The following LRMDA variants were observed in gnomAD, a reference collection of about 807,000 sequenced individuals.
The protein encoded by LRMDA is leucine-rich melanocyte differentiation-associated protein.
In LRMDA, 18 loss-of-function variants were observed where a neutral mutation model predicts 29.8. That is an observed-to-expected ratio of 0.60 (90% CI 0.42 to 0.90). LRMDA has a LOEUF of 0.90. Ranked by LOEUF, LRMDA falls within the 40% of genes least tolerant of loss-of-function variation. The probability of loss-of-function intolerance (pLI) is 0.00; values close to 1 mark genes in which losing one functional copy is unlikely to be tolerated. For missense variants in LRMDA, 273 were observed against 273.9 expected, an observed-to-expected ratio of 1.00 and a Z score of 0.02; for synonymous variants, 125 against 109.4, an observed-to-expected ratio of 1.14 and a Z score of -0.89.
chr10:75,824,869 T>G (rs1844222637), intron 2 of LRMDA, among the ~76,000 whole-genome samples: 1 of 152,186 alleles, frequency 6.6e-6, no homozygotes, highest in Admixed American at 6.5e-5. Context: ...GAGTAAGGGC[T>G]GAAAGGTAGG....
Position 75,758,082 on chromosome 10 carries a change from G to A in LRMDA, c.132-277926G>A, listed in dbSNP as rs142157550. Reference sequence around the variant, plus strand: ...CCCAAAGTGCTGGGATTACAGGCATGAGCCACCACGCCCAGCCAGCAGGGA... The same window carrying A: ...CCCAAAGTGCTGGGATTACAGGCATAAGCCACCACGCCCAGCCAGCAGGGA... On this transcript the variant is annotated intron_variant, in intron 2 of 6. Coordinates refer to ENST00000611255, the MANE Select transcript of LRMDA (RefSeq NM_001305581.2). Among the ~76,000 whole-genome samples the A allele has an allele frequency of 9.8e-3, 1,489 of 152,318 alleles. 31 individuals are homozygous for A. Among genetic ancestry groups the A allele is most frequent in the African/African-American group, 0.034 (1,418 of 41,578 alleles).
At chr10:75,778,158 A>G (rs1843336746) in intron 2 of LRMDA, among the ~76,000 whole-genome samples, 1 of 151,886 alleles carries the variant, frequency 6.6e-6, no homozygotes, top group African/African-American at 2.4e-5. Flanking sequence ...GCTCACTGCA[A>G]CCTCTGCCTC....
intron 5 of LRMDA, among the ~76,000 whole-genome samples, chr10:76,224,071 C>T (rs1281704819): frequency 6.6e-6 from 1 of 151,972 alleles, no homozygotes; most frequent in East Asian, 1.9e-4. Context: ...TCAGTAGGGC[C>T]CCTCAGCATC....
At chr10:75,533,255 A>G (rs1035233529) in intron 2 of LRMDA, among the ~76,000 whole-genome samples, 4 of 152,228 alleles carry the variant, frequency 2.6e-5, no homozygotes, top group Non-Finnish European at 5.9e-5. Context: ...AGATATTAGT[A>G]TATTTAGATA....
At position 76,559,817 on chromosome 10, in the gene LRMDA, C is replaced by T. The variant is rs1843602099; in HGVS notation, c.*2529C>T. On this transcript the variant is annotated 3_prime_UTR_variant, in exon 7 of 7. Coordinates refer to ENST00000611255, the MANE Select transcript of LRMDA (RefSeq NM_001305581.2). ...GTGCCTGACATCACTGTCTTTCCTCCCCTAGGACACTGACTTGAGTGGAGA... is the reference window on the plus strand; with the variant it reads ...GTGCCTGACATCACTGTCTTTCCTCTCCTAGGACACTGACTTGAGTGGAGA... 1 of 152,204 alleles carries T rather than the reference C, an allele frequency of 6.6e-6. No individual in the cohort carries two copies. The highest frequency in any genetic ancestry group is 1.5e-5 in the Non-Finnish European group (1 of 68,042). 9.4% of individuals were successfully genotyped at this position (152,204 alleles called of 1,614,324 possible). A position where few individuals can be genotyped will look rare whatever the true frequency, so the allele number is the denominator to read the frequency against.
intron 2 of LRMDA, among the ~76,000 whole-genome samples, chr10:75,936,606 C>A (rs888455570): frequency 6.6e-6 from 1 of 152,148 alleles, no homozygotes; most frequent in African/African-American, 2.4e-5. Context: ...ATACTTATTT[C>A]TCAGCGTTCT....
chr10:76,191,470 C>T (rs763969423), intron 5 of LRMDA, among the ~76,000 whole-genome samples: 1 of 152,148 alleles, frequency 6.6e-6, no homozygotes, highest in African/African-American at 2.4e-5. Flanking sequence ...ACACCTCAGC[C>T]CCTGATAAGA....
chr10:76,365,686 T>C (rs1237717040), intron 6 of LRMDA, among the ~76,000 whole-genome samples: 1 of 152,272 alleles, frequency 6.6e-6, no homozygotes, highest in Non-Finnish European at 1.5e-5. Flanking sequence ...TTTCTCCCGC[T>C]CTGCGGGTTG....
At position 76,079,276 on chromosome 10, in the gene LRMDA, C is replaced by A. The variant is rs528338498; in HGVS notation, c.516+20493C>A. Among the ~76,000 whole-genome samples, 50 of 152,322 alleles carry A rather than the reference C, an allele frequency of 3.3e-4. 1 individual carries two copies. The highest frequency in any genetic ancestry group is 1.2e-3 in the African/African-American group (48 of 41,576). ...CTGTTAGAATGGAATGAACAGAATT[C>A]TTCAAAGGGCTTTTTAGATTGCCGT... On this transcript the variant is annotated intron_variant, in intron 5 of 6. Transcript: ENST00000611255.
intron 5 of LRMDA, among the ~76,000 whole-genome samples, chr10:76,120,311 C>A (rs969640536): frequency 1.3e-5 from 2 of 151,812 alleles, no homozygotes; most frequent in African/African-American, 4.8e-5. Context: ...ACCTCAGCCT[C>A]CTGAGTAGCT....
chr10:76,518,244 C>G (rs191572461), intron 6 of LRMDA, among the ~76,000 whole-genome samples: 2 of 151,548 alleles, frequency 1.3e-5, no homozygotes, highest in Admixed American at 6.6e-5. Flanking sequence ...GTCTATCTAC[C>G]TACCTACCTA....
At chr10:76,436,955 C>T (rs1020579858) in intron 6 of LRMDA, among the ~76,000 whole-genome samples, 1 of 152,120 alleles carries the variant, frequency 6.6e-6, no homozygotes, top group Non-Finnish European at 1.5e-5. Flanking sequence ...AGTCCCTTCC[C>T]ACTCCTCAAA....
At chr10:76,323,392 C>T (rs973358002) in intron 5 of LRMDA, among the ~76,000 whole-genome samples, 2 of 152,000 alleles carry the variant, frequency 1.3e-5, no homozygotes, top group Admixed American at 6.6e-5. Context: ...ATGTATTTCC[C>T]GCTCCGGAAA....
At chr10:75,519,538 TC>T (rs1420844958) in intron 2 of LRMDA, among the ~76,000 whole-genome samples, 2 of 152,346 alleles carry the variant, frequency 1.3e-5, no homozygotes, top group East Asian at 3.9e-4. Flanking sequence ...GCTTGGTAGA[TC>T]TTCCTCCATC....
At chr10:75,843,145 G>GA (rs900784584) in intron 2 of LRMDA, among the ~76,000 whole-genome samples, 3 of 152,050 alleles carry the variant, frequency 2.0e-5, no homozygotes, top group Non-Finnish European at 4.4e-5. Context: ...CAATGCCTGG[G>GA]AAAAAAATAG....
chr10:76,040,101 G>C (rs1439817138), intron 3 of LRMDA, among the ~76,000 whole-genome samples: 1 of 152,132 alleles, frequency 6.6e-6, no homozygotes. Context: ...GTCAGTAGTG[G>C]GGCTTAGTCT....
chr10:76,203,956 T>G (rs1281683540), intron 5 of LRMDA, among the ~76,000 whole-genome samples: 2 of 141,794 alleles, frequency 1.4e-5, no homozygotes, highest in Non-Finnish European at 3.0e-5. Context: ...TCTACCCATC[T>G]CTATTCCATG....
At position 76,557,307 on chromosome 10, in the gene LRMDA, T is replaced by G. The variant is rs765608620; in HGVS notation, c.*19T>G. 8 of 1,561,244 alleles carry G rather than the reference T, an allele frequency of 5.1e-6. No homozygotes were observed. Among genetic ancestry groups the G allele is most frequent in the Non-Finnish European group, 7.0e-6 (8 of 1,134,788 alleles). On this transcript the variant is annotated 3_prime_UTR_variant, in exon 7 of 7. Transcript: ENST00000611255. ...GCTCTGAAGCCAACTTCTGTATACCTTCACCCATTTCATGAAAATAAAATC... is the reference window on the plus strand; with the variant it reads ...GCTCTGAAGCCAACTTCTGTATACCGTCACCCATTTCATGAAAATAAAATC...
At chr10:75,584,486 C>T (rs1009751188) in intron 2 of LRMDA, among the ~76,000 whole-genome samples, 1 of 152,160 alleles carries the variant, frequency 6.6e-6, no homozygotes, top group Non-Finnish European at 1.5e-5. Context: ...AGGACACAGC[C>T]TGGTGCATGG....
Sources: allele counts gnomAD v4.1 joint callset (sites outside exome capture counted in the v4.1 genomes callset), GRCh38; gene constraint gnomAD v4.1.1; transcripts MANE v1.5; gene names NCBI Gene and HGNC (gene_info 2026-07-23, HGNC 2026-07-21).